LDLRAD4: variants seen among roughly 807,000 people sequenced by gnomAD.
LDLRAD4 encodes low-density lipoprotein receptor class A domain-containing protein 4.
In LDLRAD4, 5 loss-of-function variants were observed where a neutral mutation model predicts 17.0. The ratio of observed to expected loss-of-function variants is 0.29; its 90% CI spans 0.15 to 0.62. The LOEUF (loss-of-function observed/expected upper bound fraction) is 0.62, where lower values mean the gene tolerates loss of function less well. Ranked by LOEUF, LDLRAD4 falls within the 20% of genes least tolerant of loss-of-function variation. The probability of loss-of-function intolerance (pLI) is 0.84; values close to 1 mark genes in which losing one functional copy is unlikely to be tolerated. For synonymous variants in LDLRAD4, 168 were observed against 171.8 expected (o/e 0.98, Z 0.17); for missense variants, 340 against 424.7 (o/e 0.80, Z 1.75).
intron 1 of LDLRAD4, among the ~76,000 whole-genome samples, chr18:13,268,231 T>C (rs1236635657): frequency 6.6e-6 from 1 of 152,210 alleles, no homozygotes; most frequent in Non-Finnish European, 1.5e-5. Flanking sequence ...GGACTCTCTA[T>C]CCGTTTTCCT....
chr18:13,220,474 A>G (rs185148558), intron 1 of LDLRAD4, among the ~76,000 whole-genome samples: 73 of 152,332 alleles, frequency 4.8e-4, no homozygotes, highest in Admixed American at 7.8e-4. Context: ...ACAATCCTGC[A>G]GTGGAACGCA....
intron 1 of LDLRAD4, among the ~76,000 whole-genome samples, chr18:13,238,384 G>A (rs1388031211): frequency 6.6e-6 from 1 of 152,224 alleles, no homozygotes; most frequent in Non-Finnish European, 1.5e-5. Context: ...GATATTAGAG[G>A]TGCCTGTGCC....
chr18:13,628,250 T>A (rs2041347437), intron 4 of LDLRAD4, among the ~76,000 whole-genome samples: 1 of 152,248 alleles, frequency 6.6e-6, no homozygotes, highest in Non-Finnish European at 1.5e-5. Context: ...AAGGGCTTAC[T>A]GATGCAGTTG....
At chr18:13,332,199 AG>A (rs2081897427) in intron 1 of LDLRAD4, among the ~76,000 whole-genome samples, 1 of 152,266 alleles carries the variant, frequency 6.6e-6, no homozygotes, top group Admixed American at 6.5e-5. Flanking sequence ...ATTTATTTGT[AG>A]CAAGGTGAGC....
At chr18:13,496,836 C>T (rs1462570174) in intron 3 of LDLRAD4, among the ~76,000 whole-genome samples, 3 of 152,224 alleles carry the variant, frequency 2.0e-5, no homozygotes, top group South Asian at 2.1e-4. Context: ...CATGCCCACA[C>T]GTCTATTTGT....
In LDLRAD4 at chr18:13,644,790, T is replaced by TG. The variant is rs146985311; in HGVS notation, c.391-335dup. The TG allele has an allele frequency of 8.6e-3, 2,274 of 265,352 alleles. 60 individuals are homozygous for TG. The highest frequency in any genetic ancestry group is 0.046 in the African/African-American group (2,049 of 44,624). 16.4% of individuals were successfully genotyped at this position (265,352 alleles called of 1,614,324 possible). ...GCAGTGCTCTTCGCCCTGTGACTCT[T>TG]GGAGTTCCTAGTGTGTTCTGTTTCC... On this transcript the variant is annotated intron_variant, in intron 5 of 5. Coordinates refer to ENST00000359446, the Ensembl canonical transcript of LDLRAD4.
intron 2 of LDLRAD4, among the ~76,000 whole-genome samples, chr18:13,425,233 A>T (rs1165689371): frequency 6.6e-6 from 1 of 152,228 alleles, no homozygotes; most frequent in African/African-American, 2.4e-5. Flanking sequence ...ATAGGAAAAA[A>T]TAAGGCAAGG....
chr18:13,285,524 T>A (rs971734461), intron 1 of LDLRAD4, among the ~76,000 whole-genome samples: 1 of 152,166 alleles, frequency 6.6e-6, no homozygotes, highest in Non-Finnish European at 1.5e-5. Flanking sequence ...TCATATAATA[T>A]TTTAAAGTTG....
intron 2 of LDLRAD4, among the ~76,000 whole-genome samples, chr18:13,405,472 G>C (rs561377547): frequency 1.1e-4 from 16 of 152,112 alleles, no homozygotes; most frequent in African/African-American, 3.9e-4. Flanking sequence ...ATCCATTTTG[G>C]AGAGCAGTGA....
chr18:13,383,155 A>G (rs1176614354), intron 1 of LDLRAD4, among the ~76,000 whole-genome samples: 1 of 152,214 alleles, frequency 6.6e-6, no homozygotes, highest in Non-Finnish European at 1.5e-5. Context: ...TTAATTGTGT[A>G]GGTGTTTGCT....
chr18:13,392,123 C>T (rs1337421545), intron 2 of LDLRAD4, among the ~76,000 whole-genome samples: 1 of 152,208 alleles, frequency 6.6e-6, no homozygotes, highest in Non-Finnish European at 1.5e-5. Flanking sequence ...ATTGATTGAT[C>T]CTAACTTTTG....
At chr18:13,436,973 CTTAAG>C (rs1307691785) in intron 2 of LDLRAD4, among the ~76,000 whole-genome samples, 2 of 152,346 alleles carry the variant, frequency 1.3e-5, no homozygotes, top group Admixed American at 6.5e-5. Context: ...TTTGAGGACT[CTTAAG>C]TTGTGTTTCT....
At position 13,419,184 on chromosome 18, in the gene LDLRAD4, G is replaced by A. The variant is rs1004034928; in HGVS notation, c.41-19060G>A. ...GCTATAATGGCATCTATGCAGTTGG[G>A]GATCCACATAGGTTTTGGGACAAGG... On this transcript the variant is annotated intron_variant, in intron 2 of 5. Coordinates refer to ENST00000359446, the Ensembl canonical transcript of LDLRAD4. Among the ~76,000 whole-genome samples, 43 of 152,168 alleles carry A rather than the reference G, an allele frequency of 2.8e-4. 1 individual carries two copies. Among genetic ancestry groups the A allele is most frequent in the Non-Finnish European group, 4.7e-4 (32 of 68,028 alleles).
chr18:13,363,284 A>T (rs1433608574), intron 1 of LDLRAD4, among the ~76,000 whole-genome samples: 3 of 146,128 alleles, frequency 2.1e-5, no homozygotes, highest in Non-Finnish European at 4.5e-5. Context: ...GTGAGCCGAG[A>T]TCGCGCCACT....
At chr18:13,263,209 C>T (rs1380849635) in intron 1 of LDLRAD4, among the ~76,000 whole-genome samples, 1 of 143,734 alleles carries the variant, frequency 7.0e-6, no homozygotes, top group African/African-American at 2.6e-5. Context: ...AACTGAGTCC[C>T]GTGTGGCTCT....
intron 3 of LDLRAD4, among the ~76,000 whole-genome samples, chr18:13,451,245 T>G (rs1478880115): frequency 6.6e-6 from 1 of 152,164 alleles, no homozygotes; most frequent in African/African-American, 2.4e-5. Context: ...CCAAATCTCA[T>G]GTTGAGATGT....
intron 3 of LDLRAD4, among the ~76,000 whole-genome samples, chr18:13,474,518 C>T (rs2146831730): frequency 6.6e-6 from 1 of 152,330 alleles, no homozygotes; most frequent in African/African-American, 2.4e-5. Context: ...ATGGTGTGGC[C>T]AGTGCAGCAG....
chr18:13,630,370 C>T (rs753965485), intron 4 of LDLRAD4, among the ~76,000 whole-genome samples: 1 of 151,858 alleles, frequency 6.6e-6, no homozygotes, highest in Non-Finnish European at 1.5e-5. Context: ...GTGGAAAGGA[C>T]GGTAGTGATA....
chr18:13,413,622 T>G (rs1361198818), intron 2 of LDLRAD4, among the ~76,000 whole-genome samples: 1 of 152,242 alleles, frequency 6.6e-6, no homozygotes, highest in Admixed American at 6.5e-5. Flanking sequence ...AAATTATGTC[T>G]TTAAACGTCT....
Sources: allele counts gnomAD v4.1 joint callset (sites outside exome capture counted in the v4.1 genomes callset), GRCh38; gene constraint gnomAD v4.1.1; transcripts MANE v1.5; gene names NCBI Gene and HGNC (gene_info 2026-07-23, HGNC 2026-07-21).